Variants in EYS observed in about 807,000 individuals in gnomAD.
EYS encodes protein eyes shut homolog.
A neutral mutation model predicts 282.1 loss-of-function variants in EYS; 250 were observed. The ratio of observed to expected loss-of-function variants is 0.89; its 90% CI spans 0.80 to 0.98. The LOEUF is 0.98. EYS is among the 50% of genes least tolerant of loss of function. The pLI, the probability that EYS is intolerant of heterozygous loss-of-function variation, is 0.00. For missense variants in EYS, 4,016 were observed against 3,709.0 expected (o/e 1.08, Z -2.15); for synonymous variants, 1,355 against 1,282.9 (o/e 1.06, Z -1.20).
chr6:64,110,083 T>A (rs954978574), intron 31 of EYS, among the ~76,000 whole-genome samples: 15 of 152,034 alleles, frequency 9.9e-5, no homozygotes, highest in Non-Finnish European at 2.1e-4. Context: ...AGGCTTCTGT[T>A]GGATTAAGGA....
intron 28 of EYS, among the ~76,000 whole-genome samples, chr6:64,414,044 C>T (rs138419106): frequency 6.6e-6 from 1 of 152,210 alleles, no homozygotes; most frequent in East Asian, 1.9e-4. Flanking sequence ...CATGTACTTC[C>T]TAGCCTTCAG....
At chr6:64,504,515 G>T (rs768353069) in intron 26 of EYS, among the ~76,000 whole-genome samples, 8 of 152,162 alleles carry the variant, frequency 5.3e-5, no homozygotes, top group Non-Finnish European at 1.0e-4. Flanking sequence ...GCCAGAGTCT[G>T]TTCTGGATGC....
chr6:64,375,633 A>G (rs1370150626), intron 29 of EYS, among the ~76,000 whole-genome samples: 1 of 152,198 alleles, frequency 6.6e-6, no homozygotes, highest in Non-Finnish European at 1.5e-5. Flanking sequence ...ACAGCTGAAG[A>G]GCCAAATTGA....
chr6:65,023,627 T>G (rs1387803258), intron 13 of EYS, among the ~76,000 whole-genome samples: 1 of 152,204 alleles, frequency 6.6e-6, no homozygotes, highest in East Asian at 1.9e-4. Context: ...TTTAATAGTC[T>G]CTCTTTTATA....
chr6:65,627,846 GC>G (rs1189038282), intron 2 of EYS, among the ~76,000 whole-genome samples: 10 of 152,312 alleles, frequency 6.6e-5, no homozygotes, highest in Admixed American at 2.0e-4. Flanking sequence ...GGGCTCCTGT[GC>G]GCCCGAGCCT....
At chr6:65,706,719 C>A (rs1335194968) in intron 1 of EYS, among the ~76,000 whole-genome samples, 1 of 152,034 alleles carries the variant, frequency 6.6e-6, no homozygotes, top group Non-Finnish European at 1.5e-5. Context: ...CTTTTCTAAA[C>A]AAACTGAAAA....
chr6:64,020,706 C>T (rs1371290500), intron 33 of EYS, among the ~76,000 whole-genome samples: 3 of 152,032 alleles, frequency 2.0e-5, no homozygotes, highest in Admixed American at 6.5e-5. Flanking sequence ...TATTGATATT[C>T]CAGAGTTTTA....
At chr6:64,828,011 A>G (rs1430009894) in intron 19 of EYS, among the ~76,000 whole-genome samples, 1 of 150,116 alleles carries the variant, frequency 6.7e-6, no homozygotes, top group African/African-American at 2.4e-5. Flanking sequence ...ATGTTAAAAA[A>G]TATATCATAA....
At chr6:65,297,643 C>A (rs1486586479) in intron 11 of EYS, among the ~76,000 whole-genome samples, 2 of 151,958 alleles carry the variant, frequency 1.3e-5, no homozygotes, top group Admixed American at 6.6e-5. Context: ...CTCAGCTGCA[C>A]ATCTATTTCA....
intron 26 of EYS, among the ~76,000 whole-genome samples, chr6:64,519,400 G>C (rs1777661582): frequency 6.6e-6 from 1 of 151,692 alleles, no homozygotes; most frequent in Non-Finnish European, 1.5e-5. Flanking sequence ...CCTAATTTGA[G>C]GATACACAAA....
chr6:65,697,781 C>T (rs1360564134), intron 1 of EYS, among the ~76,000 whole-genome samples: 6 of 152,096 alleles, frequency 3.9e-5, no homozygotes, highest in Non-Finnish European at 7.4e-5. Context: ...GAAATCATCA[C>T]GGCATTACAT....
chr6:64,343,920 A>G (rs1017120955), intron 29 of EYS, among the ~76,000 whole-genome samples: 2 of 152,158 alleles, frequency 1.3e-5, no homozygotes, highest in African/African-American at 4.8e-5. Context: ...AGAGAATACT[A>G]TAAACACCTC....
intron 26 of EYS, among the ~76,000 whole-genome samples, chr6:64,553,545 ACCCC>A (rs10541994): frequency 1.9e-4 from 9 of 46,456 alleles, no homozygotes; most frequent in African/African-American, 5.6e-4. Context: ...CTTTTGTTTG[ACCCC>A]CCCCCCCCCA....
At chr6:65,695,922 A>C (rs530491298) in intron 1 of EYS, among the ~76,000 whole-genome samples, 1 of 152,158 alleles carries the variant, frequency 6.6e-6, no homozygotes, top group Non-Finnish European at 1.5e-5. Context: ...ATGACAAGTT[A>C]ACTGCAACTT....
rs922991691 is a variant in EYS, at chr6:64,175,553, G to C, written c.6424+55039C>G. On this transcript the variant is annotated intron_variant, in intron 31 of 42. Transcript: ENST00000503581. ...ATAAGGGGAGGTAATTCATTCACTG[G>C]CTTCTGTCTCTTTGTGGTGAGACTG... Among the ~76,000 whole-genome samples, 3 of 152,154 alleles carry C rather than the reference G, an allele frequency of 2.0e-5. No individual in the cohort carries two copies. In the East Asian group the frequency reaches 5.8e-4, roughly 29 times the overall value.
At chr6:64,472,478 A>G (rs1311217390) in intron 26 of EYS, among the ~76,000 whole-genome samples, 4 of 152,160 alleles carry the variant, frequency 2.6e-5, no homozygotes, top group Non-Finnish European at 4.4e-5. Context: ...TTTCCCCCTC[A>G]TTTTGACTTG....
rs319922 is a variant in EYS, at chr6:63,783,085, C to G, written c.7724-4905G>C. Among the ~76,000 whole-genome samples, 961 of 151,754 alleles carry G rather than the reference C, an allele frequency of 6.3e-3. 10 individuals carry two copies. The highest frequency in any genetic ancestry group is 0.022 in the African/African-American group (898 of 41,364). On this transcript the variant is annotated intron_variant, in intron 39 of 42. Transcript: ENST00000503581. Reference sequence around the variant, plus strand: ...GAAAAAAATTGAACTCACAAGAAACCGAAAGTACTGACCGTGTTGGCTATT... The same window carrying G: ...GAAAAAAATTGAACTCACAAGAAACGGAAAGTACTGACCGTGTTGGCTATT...
chr6:63,817,286 A>G lies in EYS; in HGVS notation c.7229-10914T>C, dbSNP rs1254127770. On this transcript the variant is annotated intron_variant, in intron 36 of 42. Coordinates refer to ENST00000503581, the MANE Select transcript of EYS (RefSeq NM_001142800.2). ...AGAGCAAACAGGGGATGGTGAGGCCACCTAGAGGATAGCAACAACTGAACA... is the reference window on the plus strand; with the variant it reads ...AGAGCAAACAGGGGATGGTGAGGCCGCCTAGAGGATAGCAACAACTGAACA... Among the ~76,000 whole-genome samples the G allele has an allele frequency of 5.3e-5, 8 of 152,232 alleles. No individual in the cohort carries two copies. In the East Asian group the frequency reaches 1.5e-3, roughly 29 times the overall value.
At chr6:64,318,671 G>A (rs1770076473) in intron 29 of EYS, among the ~76,000 whole-genome samples, 1 of 151,702 alleles carries the variant, frequency 6.6e-6, no homozygotes, top group Non-Finnish European at 1.5e-5. Flanking sequence ...GAGTTGAAAT[G>A]CCTTTTCCAA....
Sources: gnomAD v4.1 joint callset for allele counts (sites outside exome capture counted in the v4.1 genomes callset) on GRCh38, gnomAD v4.1.1 for gene constraint, MANE v1.5 for transcripts, NCBI Gene and HGNC (gene_info 2026-07-23, HGNC 2026-07-21) for gene names.